Variants in DPP10 observed in about 807,000 individuals in gnomAD.
The protein encoded by DPP10 is inactive dipeptidyl peptidase 10.
Under a neutral mutation model 120.9 loss-of-function variants are expected in DPP10, and 33 were observed. That is an observed-to-expected ratio of 0.27 (90% CI 0.21 to 0.37). DPP10 has a LOEUF of 0.37. Ranked by LOEUF, DPP10 falls within the 10% of genes least tolerant of loss-of-function variation. The pLI is 1.00. For synonymous variants in DPP10, 337 were observed against 326.1 expected (o/e 1.03, Z -0.36); for missense variants, 816 against 942.8 (o/e 0.87, Z 1.76).
At chr2:115,307,501 G>A (rs888564232) in intron 1 of DPP10, among the ~76,000 whole-genome samples, 7 of 152,020 alleles carry the variant, frequency 4.6e-5, no homozygotes, top group Non-Finnish European at 1.0e-4. Flanking sequence ...TAATAAATAG[G>A]AAAGTATTTA....
chr2:115,172,704 G>A lies in DPP10; in HGVS notation c.61-136535G>A, dbSNP rs1186008876. Reference sequence around the variant, plus strand: ...GTTGTGAGGATCAGCAATGAAATAGGTTTACTATCCAAGAGGTGCTGAAAA... The same window carrying A: ...GTTGTGAGGATCAGCAATGAAATAGATTTACTATCCAAGAGGTGCTGAAAA... On this transcript the variant is annotated intron_variant, in intron 1 of 25. Coordinates refer to ENST00000410059, the MANE Select transcript of DPP10 (RefSeq NM_020868.6). 6.6e-5 allele frequency among the ~76,000 whole-genome samples: 10 copies of A among 152,166 alleles called. 1 individual carries two copies. Among genetic ancestry groups the A allele is most frequent in the African/African-American group, 2.4e-4 (10 of 41,436 alleles).
At chr2:114,881,351 T>C (rs1409148901) in intron 1 of DPP10, among the ~76,000 whole-genome samples, 1 of 152,150 alleles carries the variant, frequency 6.6e-6, no homozygotes, top group African/African-American at 2.4e-5. Flanking sequence ...GGTCCTTTAG[T>C]ACATTTGTTG....
chr2:115,175,326 C>T (rs972969101), intron 1 of DPP10, among the ~76,000 whole-genome samples: 3 of 151,914 alleles, frequency 2.0e-5, no homozygotes, highest in East Asian at 1.9e-4. Context: ...TTTCCTGCTC[C>T]GTGATTGCTT....
intron 19 of DPP10, among the ~76,000 whole-genome samples, chr2:115,813,417 T>C (rs907346591): frequency 6.6e-6 from 1 of 152,154 alleles, no homozygotes; most frequent in Non-Finnish European, 1.5e-5. Context: ...CTAGAGTCTT[T>C]TGTGTGTGCA....
intron 5 of DPP10, among the ~76,000 whole-genome samples, chr2:115,562,206 A>G (rs147470646): frequency 5.1e-4 from 78 of 152,178 alleles, no homozygotes; most frequent in Non-Finnish European, 9.4e-4. Flanking sequence ...CATTGTTATA[A>G]CCCACTGACA....
Position 115,844,096 on chromosome 2 carries a change from G to T in DPP10, c.*1751G>T, listed in dbSNP as rs771819796. On this transcript the variant is annotated 3_prime_UTR_variant, in exon 26 of 26. Transcript: ENST00000410059. ...ATAGGAGAGGCTTTCTCTTCTGAAA[G>T]ATCCATTTTAGGTCTTTTTCAAGAA... The T allele has an allele frequency of 6.6e-6, 1 of 152,538 alleles. No individual in the cohort carries two copies. The highest frequency in any genetic ancestry group is 1.5e-5 in the Non-Finnish European group (1 of 67,982). The allele number at this position is 152,538 out of a possible 1,614,324, so 9.4% of individuals were successfully genotyped here. A position where few individuals can be genotyped will look rare whatever the true frequency, so the allele number is the denominator to read the frequency against.
intron 21 of DPP10, among the ~76,000 whole-genome samples, chr2:115,822,815 A>G (rs1687940831): frequency 6.6e-6 from 1 of 151,954 alleles, no homozygotes; most frequent in Non-Finnish European, 1.5e-5. Flanking sequence ...TGGTTATTTT[A>G]TAAACTTTTC....
At chr2:115,264,288 C>A (rs1040217487) in intron 1 of DPP10, among the ~76,000 whole-genome samples, 8 of 152,098 alleles carry the variant, frequency 5.3e-5, no homozygotes, top group African/African-American at 1.9e-4. Context: ...AAATTTATCC[C>A]TCACTGAAAT....
At chr2:115,797,912 T>C (rs982460052) in intron 19 of DPP10, among the ~76,000 whole-genome samples, 3 of 151,512 alleles carry the variant, frequency 2.0e-5, no homozygotes, top group Admixed American at 6.6e-5. Context: ...TTGGTGTTTA[T>C]TTTAACTGGA....
At chr2:115,329,598 A>G (rs983588480) in intron 2 of DPP10, among the ~76,000 whole-genome samples, 5 of 151,802 alleles carry the variant, frequency 3.3e-5, no homozygotes, top group Admixed American at 1.3e-4. Context: ...CCCCCTACCC[A>G]ATGACAGGCC....
intron 3 of DPP10, among the ~76,000 whole-genome samples, chr2:115,352,530 T>C (rs576533621): frequency 1.3e-5 from 2 of 152,350 alleles, no homozygotes; most frequent in Admixed American, 1.3e-4. Context: ...GACATCTATC[T>C]TTCCATCTAT....
chr2:115,571,436 T>A (rs1349051177), intron 5 of DPP10, among the ~76,000 whole-genome samples: 1 of 152,286 alleles, frequency 6.6e-6, no homozygotes, highest in African/African-American at 2.4e-5. Context: ...TTAAAATCCC[T>A]GAGAATCCAA....
At chr2:114,573,288 T>A (rs1268052636) in intron 1 of DPP10, among the ~76,000 whole-genome samples, 2 of 152,166 alleles carry the variant, frequency 1.3e-5, no homozygotes, top group Non-Finnish European at 2.9e-5. Context: ...CTGGTTATAT[T>A]TGTGTTTCAG....
chr2:115,007,127 A>C (rs966783435), intron 1 of DPP10, among the ~76,000 whole-genome samples: 1 of 152,196 alleles, frequency 6.6e-6, no homozygotes, highest in African/African-American at 2.4e-5. Flanking sequence ...TACTGGGTAC[A>C]TAACGAAATG....
At chr2:114,889,287 T>C (rs1574423626) in intron 1 of DPP10, among the ~76,000 whole-genome samples, 3 of 152,352 alleles carry the variant, frequency 2.0e-5, no homozygotes, top group African/African-American at 7.2e-5. Flanking sequence ...CAGCACTGGA[T>C]GTAGGAAAAT....
At chr2:114,750,214 A>G (rs1399863270) in intron 1 of DPP10, among the ~76,000 whole-genome samples, 2 of 152,152 alleles carry the variant, frequency 1.3e-5, no homozygotes, top group Admixed American at 6.5e-5. Flanking sequence ...GGAGGACAGG[A>G]AACAACTCCA....
chr2:115,771,317 A>G (rs1159802901), intron 13 of DPP10, among the ~76,000 whole-genome samples: 1 of 151,902 alleles, frequency 6.6e-6, no homozygotes, highest in African/African-American at 2.4e-5. Flanking sequence ...CAGGTGATCC[A>G]CCTGCTTCAG....
intron 19 of DPP10, among the ~76,000 whole-genome samples, chr2:115,803,525 C>G (rs1220408604): frequency 6.6e-6 from 1 of 152,146 alleles, no homozygotes; most frequent in Non-Finnish European, 1.5e-5. Context: ...TCTTCCTAGT[C>G]TTCATGGTCT....
chr2:114,826,979 G>T (rs1362730814), intron 1 of DPP10, among the ~76,000 whole-genome samples: 1 of 152,132 alleles, frequency 6.6e-6, no homozygotes, highest in Admixed American at 6.6e-5. Context: ...GCCATTCATT[G>T]CCCCTGGGTA....
Sources: allele counts gnomAD v4.1 joint callset (sites outside exome capture counted in the v4.1 genomes callset), GRCh38; gene constraint gnomAD v4.1.1; transcripts MANE v1.5; gene names NCBI Gene and HGNC (gene_info 2026-07-23, HGNC 2026-07-21).